The following LRRC4C variants were observed in gnomAD, a reference collection of about 807,000 sequenced individuals.
LRRC4C encodes the protein leucine-rich repeat-containing protein 4C.
A neutral mutation model predicts 33.6 loss-of-function variants in LRRC4C; 5 were observed. That is an observed-to-expected ratio of 0.15 (90% CI 0.08 to 0.31). LRRC4C has a LOEUF of 0.31. Among genes scored for constraint, LRRC4C ranks in the 10% least tolerant of loss-of-function variants. The probability of loss-of-function intolerance (pLI) is 1.00; values close to 1 mark genes in which losing one functional copy is unlikely to be tolerated. For missense variants in LRRC4C, 560 were observed against 796.7 expected, an observed-to-expected ratio of 0.70 and a Z score of 3.58; for synonymous variants, 329 against 302.0, an observed-to-expected ratio of 1.09 and a Z score of -0.93.
intron 1 of LRRC4C, among the ~76,000 whole-genome samples, chr11:41,410,410 T>G (rs12803815): frequency 1.3e-5 from 2 of 151,258 alleles, no homozygotes; most frequent in African/African-American, 4.9e-5. Flanking sequence ...AAGTTTTTTT[T>G]TTTTTCTTTT....
At chr11:40,909,314 T>C (rs1956563279) in intron 2 of LRRC4C, among the ~76,000 whole-genome samples, 1 of 152,070 alleles carries the variant, frequency 6.6e-6, no homozygotes, top group African/African-American at 2.4e-5. Context: ...TTTGACTAAA[T>C]TTGCCCTAGT....
At chr11:40,464,694 A>T (rs1382009588) in intron 3 of LRRC4C, among the ~76,000 whole-genome samples, 1 of 152,074 alleles carries the variant, frequency 6.6e-6, no homozygotes, top group African/African-American at 2.4e-5. Flanking sequence ...TATCAAGCTG[A>T]GAACCAAATC....
At chr11:40,300,817 TA>T (rs1288318300) in intron 4 of LRRC4C, among the ~76,000 whole-genome samples, 1 of 152,208 alleles carries the variant, frequency 6.6e-6, no homozygotes, top group Non-Finnish European at 1.5e-5. Context: ...TTTTATTTCT[TA>T]AGAGGCAGAG....
chr11:40,480,842 A>G (rs1423463542), intron 3 of LRRC4C, among the ~76,000 whole-genome samples: 2 of 152,072 alleles, frequency 1.3e-5, no homozygotes, highest in Non-Finnish European at 2.9e-5. Context: ...AGAATGACCA[A>G]TACTACATGT....
rs1158830636 is a variant in LRRC4C at position 40,832,408 on chromosome 11, A to G, written c.-407+101227T>C. On this transcript the variant is annotated intron_variant, in intron 2 of 6. Coordinates refer to ENST00000528697, the MANE Select transcript of LRRC4C (RefSeq NM_001258419.2). The stretch of plus-strand genomic sequence containing the variant: ...ATTATAATTAAACAAATGTAAAGAT[A>G]CATTTTAGTATGTCAGACTCTGATC... 2.0e-5 allele frequency among the ~76,000 whole-genome samples: 3 copies of G among 152,310 alleles called. No individual in the cohort carries two copies. The East Asian group carries it at 5.8e-4, about 29-fold the overall frequency.
At chr11:41,050,392 C>A (rs112787564) in intron 1 of LRRC4C, among the ~76,000 whole-genome samples, 1 of 152,128 alleles carries the variant, frequency 6.6e-6, no homozygotes, top group African/African-American at 2.4e-5. Context: ...CTGGCATCCA[C>A]GTTTTAGGTA....
At chr11:40,475,716 T>G (rs1953181646) in intron 3 of LRRC4C, among the ~76,000 whole-genome samples, 1 of 152,090 alleles carries the variant, frequency 6.6e-6, no homozygotes, top group Non-Finnish European at 1.5e-5. Flanking sequence ...ATATACACAA[T>G]TGATATTTAT....
At chr11:40,834,330 G>T (rs1050749944) in intron 2 of LRRC4C, among the ~76,000 whole-genome samples, 1 of 151,986 alleles carries the variant, frequency 6.6e-6, no homozygotes, top group African/African-American at 2.4e-5. Context: ...AATTAGGCAG[G>T]CATGGTGGTA....
chr11:40,698,835 T>C (rs1418699767), intron 2 of LRRC4C, among the ~76,000 whole-genome samples: 1 of 152,108 alleles, frequency 6.6e-6, no homozygotes, highest in African/African-American at 2.4e-5. Flanking sequence ...GGAAACCCTT[T>C]ATAAAACCGT....
intron 2 of LRRC4C, among the ~76,000 whole-genome samples, chr11:40,733,036 G>A (rs1947673391): frequency 6.9e-6 from 1 of 145,714 alleles, no homozygotes. Context: ...ATGTCTGCCT[G>A]GATCCAAAAC....
chr11:40,155,400 G>T (rs112316102), intron 5 of LRRC4C, among the ~76,000 whole-genome samples: 7,418 of 151,882 alleles, frequency 0.049, 234 homozygotes, highest in Middle Eastern at 0.088. Context: ...AAATACAAAA[G>T]ATAAATGAAA....
At chr11:40,292,395 T>A (rs1249098483) in intron 4 of LRRC4C, 2 of 152,188 alleles carry the variant, frequency 1.3e-5, no homozygotes, top group African/African-American at 4.8e-5. Flanking sequence ...TCTCCCCCAA[T>A]CAATGCCTCA....
At chr11:40,177,643 C>T (rs1834791866) in intron 5 of LRRC4C, among the ~76,000 whole-genome samples, 1 of 152,178 alleles carries the variant, frequency 6.6e-6, no homozygotes, top group Admixed American at 6.5e-5. Context: ...AAAACCTTCC[C>T]TGAGCAATTC....
intron 6 of LRRC4C, among the ~76,000 whole-genome samples, chr11:40,131,625 G>A (rs755668536): frequency 3.3e-5 from 5 of 152,190 alleles, no homozygotes; most frequent in African/African-American, 7.2e-5. Context: ...GTACCCTTCC[G>A]TGAAACTGCC....
At chr11:40,713,353 C>G (rs1946557145) in intron 2 of LRRC4C, among the ~76,000 whole-genome samples, 1 of 152,200 alleles carries the variant, frequency 6.6e-6, no homozygotes, top group African/African-American at 2.4e-5. Flanking sequence ...AAATTTGTAC[C>G]TAGAAATGTA....
chr11:41,016,416 A>G (rs748221730), intron 1 of LRRC4C, among the ~76,000 whole-genome samples: 25 of 152,214 alleles, frequency 1.6e-4, no homozygotes, highest in Non-Finnish European at 2.8e-4. Context: ...TATACTGTGT[A>G]ACTAATAAGG....
At chr11:41,077,462 G>A (rs1321442195) in intron 1 of LRRC4C, among the ~76,000 whole-genome samples, 1 of 152,222 alleles carries the variant, frequency 6.6e-6, no homozygotes, top group Non-Finnish European at 1.5e-5. Flanking sequence ...CCACATGGAA[G>A]CTGTCAAGGC....
chr11:41,442,617 C>G (rs183866017), intron 1 of LRRC4C, among the ~76,000 whole-genome samples: 367 of 151,520 alleles, frequency 2.4e-3, no homozygotes, highest in African/African-American at 7.2e-3. Flanking sequence ...CTACAGGCGC[C>G]CATCACCACG....
intron 1 of LRRC4C, among the ~76,000 whole-genome samples, chr11:40,971,622 G>T (rs1851735271): frequency 6.6e-6 from 1 of 152,116 alleles, no homozygotes; most frequent in Non-Finnish European, 1.5e-5. Flanking sequence ...TCCCACTGGG[G>T]TACTGCCTAG....
Sources: gnomAD v4.1 joint callset for allele counts (sites outside exome capture counted in the v4.1 genomes callset) on GRCh38, gnomAD v4.1.1 for gene constraint, MANE v1.5 for transcripts, NCBI Gene and HGNC (gene_info 2026-07-23, HGNC 2026-07-21) for gene names.